Variants in TRAF3 observed in about 807,000 individuals in gnomAD.
The protein encoded by TRAF3 is TNF receptor-associated factor 3.
TRAF3 carries 13 observed loss-of-function variants against 62.3 expected under a neutral mutation model. The ratio of observed to expected loss-of-function variants is 0.21; its 90% CI spans 0.14 to 0.33. The LOEUF is 0.33. Ranked by LOEUF, TRAF3 falls within the 10% of genes least tolerant of loss-of-function variation. TRAF3 has a pLI of 1.00. For missense variants in TRAF3, 440 were observed against 741.8 expected (o/e 0.59, Z 4.73); for synonymous variants, 269 against 283.4 (o/e 0.95, Z 0.51).
At chr14:102,881,261 G>A (rs576060405) in intron 6 of TRAF3, among the ~76,000 whole-genome samples, 83 of 152,194 alleles carry the variant, frequency 5.5e-4, no homozygotes, top group African/African-American at 1.9e-3. Flanking sequence ...ACACATGCCT[G>A]TAATCCCAGC....
chr14:102,833,979 A>T (rs1395953009), intron 2 of TRAF3, among the ~76,000 whole-genome samples: 1 of 98,020 alleles, frequency 1.0e-5, no homozygotes, highest in Non-Finnish European at 2.1e-5. Context: ...ACAAAGCTAG[A>T]CTTTGTCTCG....
rs1380795803 is a variant in TRAF3, at chr14:102,790,865, A to G, written c.-157+13190A>G. Among the ~76,000 whole-genome samples the G allele has an allele frequency of 4.6e-5, 7 of 152,192 alleles. No homozygotes were observed. The East Asian group carries it at 1.4e-3, about 29-fold the overall frequency. The stretch of plus-strand genomic sequence containing the variant: ...TTTTGACTATTTGGGGCCAGTTGCA[A>G]CTTTATATGAATTTGAATATCACCT... On this transcript the variant is annotated intron_variant, in intron 1 of 11. Coordinates refer to ENST00000392745, the MANE Select transcript of TRAF3 (RefSeq NM_145725.3).
intron 1 of TRAF3, among the ~76,000 whole-genome samples, chr14:102,815,772 C>T (rs763020043): frequency 1.1e-4 from 16 of 152,070 alleles, no homozygotes; most frequent in East Asian, 1.9e-4. Flanking sequence ...TCAAGGCAGA[C>T]GGGGAAGCAG....
chr14:102,857,833 AT>A (rs1887460830), intron 2 of TRAF3, among the ~76,000 whole-genome samples: 1 of 152,248 alleles, frequency 6.6e-6, no homozygotes, highest in South Asian at 2.1e-4. Context: ...ACAGATTCTT[AT>A]TGCACTTGTG....
At chr14:102,806,425 A>G (rs940926136) in intron 1 of TRAF3, among the ~76,000 whole-genome samples, 4 of 152,222 alleles carry the variant, frequency 2.6e-5, no homozygotes, top group African/African-American at 9.6e-5. Context: ...AATTTACATC[A>G]AAACTTTGGT....
intron 1 of TRAF3, among the ~76,000 whole-genome samples, chr14:102,791,424 C>T (rs1897786693): frequency 6.6e-6 from 1 of 152,086 alleles, no homozygotes. Context: ...AAATTTATTT[C>T]TGGGTGCTTT....
intron 6 of TRAF3, among the ~76,000 whole-genome samples, chr14:102,881,625 G>A (rs1387399917): frequency 1.3e-5 from 2 of 152,150 alleles, no homozygotes; most frequent in Admixed American, 6.5e-5. Context: ...AATAGCTAAT[G>A]GATGCGGGGC....
intron 1 of TRAF3, among the ~76,000 whole-genome samples, chr14:102,791,378 G>T (rs556639375): frequency 8.7e-4 from 133 of 152,210 alleles, no homozygotes; most frequent in African/African-American, 3.1e-3. Flanking sequence ...GCAATATTTT[G>T]TAGTGTTAGT....
intron 1 of TRAF3, among the ~76,000 whole-genome samples, chr14:102,788,418 T>C (rs1897612522): frequency 1.3e-5 from 2 of 152,216 alleles, no homozygotes; most frequent in African/African-American, 4.8e-5. Context: ...TTTCAGCATT[T>C]TGGGAGGCTG....
chr14:102,874,605 T>C (rs1888537995), intron 4 of TRAF3, among the ~76,000 whole-genome samples: 1 of 151,894 alleles, frequency 6.6e-6, no homozygotes, highest in South Asian at 2.1e-4. Context: ...ACTTGTGTTT[T>C]CTAAGGGAAA....
chr14:102,871,232 T>G (rs1291835926), intron 3 of TRAF3, among the ~76,000 whole-genome samples: 1 of 152,218 alleles, frequency 6.6e-6, no homozygotes, highest in African/African-American at 2.4e-5. Context: ...TCACCTGCCT[T>G]CACCCTCCCC....
At chr14:102,851,712 C>T (rs1887052387) in intron 2 of TRAF3, among the ~76,000 whole-genome samples, 1 of 152,134 alleles carries the variant, frequency 6.6e-6, no homozygotes, top group African/African-American at 2.4e-5. Context: ...CCACTGCACT[C>T]CAGCCTGGGC....
chr14:102,858,103 T>A lies in TRAF3; in HGVS notation c.-17-12082T>A, dbSNP rs140848815. Among the ~76,000 whole-genome samples, 864 of 152,054 alleles carry A rather than the reference T, an allele frequency of 5.7e-3. 9 individuals are homozygous for A. Among genetic ancestry groups the A allele is most frequent in the Admixed American group, 9.8e-3 (150 of 15,260 alleles). On this transcript the variant is annotated intron_variant, in intron 2 of 11. Transcript: ENST00000392745. The stretch of plus-strand genomic sequence containing the variant: ...CAGTTAACTCCTGTTCTACTTGATA[T>A]TCATAATCATTTCAGCTCTCCATGA...
intron 1 of TRAF3, among the ~76,000 whole-genome samples, chr14:102,808,115 A>G (rs1898884727): frequency 6.6e-6 from 1 of 152,154 alleles, no homozygotes; most frequent in South Asian, 2.1e-4. Flanking sequence ...ATGGACAGGA[A>G]GTGGGAGGGG....
rs74086126 is a variant in TRAF3, at chr14:102,826,151, C to G, written c.-156-4183C>G. 8.2e-3 allele frequency among the ~76,000 whole-genome samples: 1,246 copies of G among 152,264 alleles called. 21 individuals carry two copies. The highest frequency in any genetic ancestry group is 0.028 in the African/African-American group (1,183 of 41,550). ...TGTCAGTGAACTCTGTTTTGGGTAT[C>G]TACAAAAGCAGAAGGGGAGGTTAGG... On this transcript the variant is annotated intron_variant, in intron 1 of 11. Transcript: ENST00000392745. This position sits in a 1 kb window ranked among gnomAD's most constrained non-coding sequence, Gnocchi z 4.6.
chr14:102,878,864 G>A (rs1260825092), intron 6 of TRAF3, among the ~76,000 whole-genome samples: 8 of 152,132 alleles, frequency 5.3e-5, no homozygotes, highest in Non-Finnish European at 5.9e-5. Context: ...GAGGGGCCCC[G>A]GGGCAAGGCC....
At chr14:102,791,154 G>A (rs1281995514) in intron 1 of TRAF3, among the ~76,000 whole-genome samples, 3 of 151,694 alleles carry the variant, frequency 2.0e-5, no homozygotes, top group Non-Finnish European at 4.4e-5. Context: ...CGAGTAGCTG[G>A]GACTACAGGC....
chr14:102,789,518 T>G (rs1897682767), intron 1 of TRAF3, among the ~76,000 whole-genome samples: 11 of 152,150 alleles, frequency 7.2e-5, no homozygotes, highest in Admixed American at 6.6e-4. Flanking sequence ...GCCGACGTCA[T>G]AACAAGGTTT....
chr14:102,883,645 G>A (rs1889195134), intron 6 of TRAF3, among the ~76,000 whole-genome samples: 1 of 152,098 alleles, frequency 6.6e-6, no homozygotes, highest in African/African-American at 2.4e-5. Context: ...GAGTGCAATG[G>A]CACGATCTTG....
Sources: gnomAD v4.1 joint callset for allele counts (sites outside exome capture counted in the v4.1 genomes callset) on GRCh38, gnomAD v4.1.1 for gene constraint, Gnocchi (gnomAD v3.1) non-coding constraint, MANE v1.5 for transcripts, NCBI Gene and HGNC (gene_info 2026-07-23, HGNC 2026-07-21) for gene names.